The following SPAG17 variants were observed in gnomAD, a reference collection of about 807,000 sequenced individuals.
SPAG17 encodes sperm-associated antigen 17.
SPAG17 carries 169 observed loss-of-function variants against 273.6 expected under a neutral mutation model. The observed-to-expected ratio is 0.62, with a 90% CI of 0.55 to 0.70. SPAG17 has a LOEUF of 0.70. Among genes scored for constraint, SPAG17 ranks in the 30% least tolerant of loss-of-function variants. SPAG17 has a pLI of 0.00. For missense variants in SPAG17, 2,557 were observed against 2,627.8 expected (o/e 0.97, Z 0.59); for synonymous variants, 825 against 873.2 (o/e 0.94, Z 0.97).
intron 4 of SPAG17, among the ~76,000 whole-genome samples, chr1:118,104,917 TG>T (rs1315221988): frequency 1.3e-5 from 2 of 152,116 alleles, no homozygotes; most frequent in Non-Finnish European, 2.9e-5. Flanking sequence ...GGTCAAGGTA[TG>T]TATATATGTA....
At chr1:118,074,438 T>A in intron 16 of SPAG17, 101 bp downstream of exon 16, 3 of 988,370 alleles carry the variant, frequency 3.0e-6, no homozygotes, top group Non-Finnish European at 4.8e-6. Flanking sequence ...GTATTCTCCT[T>A]CTAAGTATCT....
rs560266851 is a variant in SPAG17 at position 118,115,434 on chromosome 1, G to A, written c.323C>T (p.Thr108Met). Residue 108 changes from threonine (T) to methionine (M), a missense_variant, in exon 4 of 49, where the codon ACG becomes ATG. Thr to Met is a moderately conservative substitution (Grantham distance 81). Coordinates refer to ENST00000336338, the MANE Select transcript of SPAG17 (RefSeq NM_206996.4). ...GNAPLYYEVL[T>M]AAKAIMDSGE... ...ACTATCCATAATTGCTTTTGCTGCC[G>A]TTAACACCTATACAGAAACACAATT... 3.9e-4 allele frequency: 636 copies of A among 1,612,586 alleles called. 7 individuals carry two copies. The South Asian group carries it at 5.7e-3, about 14-fold the overall frequency.
At chr1:118,091,188 A>G (rs113175790) in intron 10 of SPAG17, among the ~76,000 whole-genome samples, 8 of 152,314 alleles carry the variant, frequency 5.3e-5, no homozygotes, top group African/African-American at 1.9e-4. Context: ...ATTAAGACAT[A>G]TTCATTAAGA....
chr1:118,165,361 T>G (rs1306627235), intron 1 of SPAG17, among the ~76,000 whole-genome samples: 3 of 152,066 alleles, frequency 2.0e-5, no homozygotes, highest in Non-Finnish European at 4.4e-5. Flanking sequence ...TCCTTTCTGT[T>G]TCTTTTACCA....
At chr1:118,020,135 A>G (rs1244830537) in intron 28 of SPAG17, among the ~76,000 whole-genome samples, 1 of 152,210 alleles carries the variant, frequency 6.6e-6, no homozygotes, top group African/African-American at 2.4e-5. Flanking sequence ...ATCCTAGAAT[A>G]AAGAGTCATT....
At chr1:118,107,432 A>G (rs1656467553) in intron 4 of SPAG17, among the ~76,000 whole-genome samples, 1 of 152,148 alleles carries the variant, frequency 6.6e-6, no homozygotes. Flanking sequence ...AGCAAGGCCA[A>G]ACTTGGGAGA....
chr1:118,075,705 C>T (rs1326750315), intron 15 of SPAG17, among the ~76,000 whole-genome samples: 1 of 152,150 alleles, frequency 6.6e-6, no homozygotes, highest in Non-Finnish European at 1.5e-5. Flanking sequence ...CAGGAAATGG[C>T]TCTGGCCTAA....
intron 10 of SPAG17, among the ~76,000 whole-genome samples, chr1:118,089,604 A>C (rs1043987371): frequency 1.1e-4 from 16 of 152,204 alleles, no homozygotes; most frequent in Non-Finnish European, 2.1e-4. Flanking sequence ...AAAAAGTATC[A>C]GATTGACATC....
rs553954371 is a variant in SPAG17, at chr1:117,953,849, A to G, written c.*201T>C. 74 of 654,634 alleles carry G rather than the reference A, an allele frequency of 1.1e-4. No homozygotes were observed. The African/African-American group carries it at 1.2e-3, about 10-fold the overall frequency. 40.6% of individuals were successfully genotyped at this position (654,634 alleles called of 1,614,324 possible). A position where few individuals can be genotyped will look rare whatever the true frequency, so the allele number is the denominator to read the frequency against. On this transcript the variant is annotated 3_prime_UTR_variant, in exon 49 of 49. Transcript: ENST00000336338. ...TACATTAAAAAATAAGAAAACCAAAAATGTCTTTAAATGCTTTTTGGCACT... is the reference window on the plus strand; with the variant it reads ...TACATTAAAAAATAAGAAAACCAAAGATGTCTTTAAATGCTTTTTGGCACT...
chr1:117,962,701 A>G (rs1455073461), intron 48 of SPAG17: 1 of 152,232 alleles, frequency 6.6e-6, no homozygotes, highest in African/African-American at 2.4e-5. Context: ...TTGGTATTAA[A>G]TTGTTTCTCA....
At chr1:118,035,776 G>A (rs1478884363) in intron 24 of SPAG17, among the ~76,000 whole-genome samples, 1 of 152,166 alleles carries the variant, frequency 6.6e-6, no homozygotes, top group Non-Finnish European at 1.5e-5. Flanking sequence ...AAAATATGTT[G>A]TGGTTAGATC....
intron 1 of SPAG17, among the ~76,000 whole-genome samples, chr1:118,175,181 C>A (rs538399141): frequency 6.6e-6 from 1 of 152,232 alleles, no homozygotes; most frequent in East Asian, 1.9e-4. Context: ...CAGGCACGCA[C>A]CACCACACCC....
chr1:118,076,982 C>G (rs1210100968), intron 15 of SPAG17, among the ~76,000 whole-genome samples: 1 of 152,076 alleles, frequency 6.6e-6, no homozygotes. Context: ...TCATAAATAT[C>G]CACTAGGCCC....
At chr1:118,033,724 A>C (rs564304094) in intron 24 of SPAG17, among the ~76,000 whole-genome samples, 1 of 152,312 alleles carries the variant, frequency 6.6e-6, no homozygotes, top group East Asian at 1.9e-4. Flanking sequence ...AGCCACACTG[A>C]ACTTTTCACC....
Position 118,041,816 on chromosome 1 carries a change from T to G in SPAG17, c.3041A>C (p.Lys1014Thr). Residue 1014 changes from lysine to threonine, a missense_variant, in exon 21 of 49, where the codon AAG (lysine) becomes ACG (threonine). Lys to Thr is a moderately conservative substitution (Grantham distance 78). Transcript: ENST00000336338. ...ATTGGAGTTTACCGGGTAAGTTATC[T>G]TAGGTTCTGGTTGGTGGGGGGACTC... ...TEESPHQPEPKITYPFHGYNM... is the reference protein window; with the variant it reads ...TEESPHQPEPTITYPFHGYNM... The G allele has an allele frequency of 1.2e-6, 2 of 1,610,950 alleles. No individual in the cohort carries two copies. The highest frequency in any genetic ancestry group is 1.7e-6 in the Non-Finnish European group (2 of 1,179,208).
intron 3 of SPAG17, among the ~76,000 whole-genome samples, chr1:118,138,484 G>A (rs553937480): frequency 5.3e-4 from 81 of 152,164 alleles, no homozygotes; most frequent in African/African-American, 1.9e-3. Flanking sequence ...CAAAAATGTT[G>A]ACCTATATTT....
At chr1:118,019,550 G>C (rs1313985297) in intron 28 of SPAG17, among the ~76,000 whole-genome samples, 1 of 151,948 alleles carries the variant, frequency 6.6e-6, no homozygotes, top group Non-Finnish European at 1.5e-5. Context: ...AAATGGATCA[G>C]AAACAATATT....
chr1:118,159,617 A>C (rs1314781798), intron 1 of SPAG17, among the ~76,000 whole-genome samples: 3 of 152,148 alleles, frequency 2.0e-5, no homozygotes, highest in African/African-American at 7.2e-5. Context: ...TGCTGCAGTA[A>C]TTTTGAATTT....
chr1:117,964,905 T>G (rs543458342), intron 47 of SPAG17: 2 of 152,344 alleles, frequency 1.3e-5, no homozygotes, highest in Non-Finnish European at 2.9e-5. Flanking sequence ...TGTTTTTTAT[T>G]ATTCTTTTGC....
Sources: allele counts gnomAD v4.1 joint callset (sites outside exome capture counted in the v4.1 genomes callset), GRCh38; gene constraint gnomAD v4.1.1; transcripts MANE v1.5; gene names NCBI Gene and HGNC (gene_info 2026-07-23, HGNC 2026-07-21).